The following NR1H3 variants were observed in gnomAD, a reference collection of about 807,000 sequenced individuals.
NR1H3 encodes oxysterols receptor LXR-alpha.
NR1H3 carries 19 observed loss-of-function variants against 48.1 expected under a neutral mutation model. The ratio of observed to expected loss-of-function variants is 0.40; its 90% confidence interval spans 0.28 to 0.58. The LOEUF (loss-of-function observed/expected upper bound fraction) is 0.58. NR1H3 is among the 20% of genes least tolerant of loss of function. The pLI is 0.50. For synonymous variants in NR1H3, 232 were observed against 227.3 expected, an observed-to-expected ratio of 1.02 and a Z score of -0.19; for missense variants, 486 against 595.9, an observed-to-expected ratio of 0.82 and a Z score of 1.92.
At chr11:47,257,982 C>T (rs1955365617), upstream of NR1H3, 1 of 985,950 alleles carries the variant, frequency 1.0e-6, no homozygotes, top group Non-Finnish European at 1.2e-6. Flanking sequence ...ATTGCTACTT[C>T]TCTGGGGCTC....
chr11:47,251,518 AG>A (rs1954650897), intron 1 of NR1H3, among the ~76,000 whole-genome samples: 1 of 152,214 alleles, frequency 6.6e-6, no homozygotes, highest in African/African-American at 2.4e-5. Flanking sequence ...AGGCTGAGAC[AG>A]GAGAATCACT....
chr11:47,268,124 G>C, intron 8 of NR1H3, 98 bp downstream of exon 8: 1 of 1,139,050 alleles, frequency 8.8e-7, no homozygotes, highest in Non-Finnish European at 1.3e-6. Context: ...GGTGGCTTGG[G>C]AGGGTGGAGG....
chr11:47,261,319 C>A lies in NR1H3; in HGVS notation c.578C>A (p.Pro193His). Residue 193 changes from proline (P) to histidine (H), a missense_variant, in exon 5 of 10, where the codon CCC becomes CAC. Physicochemically the swap from Pro to His is moderately conservative, Grantham distance 77. Coordinates refer to ENST00000441012, the MANE Select transcript of NR1H3 (RefSeq NM_005693.4). ...EEEQAHATSL[P>H]PRASSPPQIL... is the part of the protein sequence containing the mutation. ...GAACAGGCTCATGCCACATCCTTGCCCCCCAGGGCTTCCTCACCCCCCCAA... is the reference window on the plus strand; with the variant it reads ...GAACAGGCTCATGCCACATCCTTGCACCCCAGGGCTTCCTCACCCCCCCAA... The A allele has an allele frequency of 3.1e-6, 5 of 1,614,002 alleles. No individual in the cohort carries two copies. The highest frequency in any genetic ancestry group is 4.2e-6 in the Non-Finnish European group (5 of 1,180,002).
At chr11:47,268,475 C>T in intron 9 of NR1H3, 75 bp from the exon 10 acceptor site, 1 of 1,600,666 alleles carries the variant, frequency 6.2e-7, no homozygotes, top group Non-Finnish European at 8.6e-7. Context: ...ATTCACCTCT[C>T]CCACAACTCC....
upstream of NR1H3, chr11:47,257,612 G>A (rs530830293): frequency 1.3e-4 from 127 of 980,834 alleles, no homozygotes; most frequent in Non-Finnish European, 1.4e-4. Context: ...ATTCCGGGCC[G>A]TGCTGGGACC....
Position 47,268,660 on chromosome 11 carries a change from A to G in NR1H3, c.1308A>G (p.Pro436=). The G allele has an allele frequency of 6.2e-7, 1 of 1,614,142 alleles. No individual in the cohort carries two copies. Among genetic ancestry groups the G allele is most frequent in the Non-Finnish European group, 8.5e-7 (1 of 1,180,046 alleles). The stretch of plus-strand genomic sequence containing the variant: ...TGCGTCTGCAGGACAAAAAGCTCCC[A>G]CCGCTGCTCTCTGAGATCTGGGATG... ...FALRLQDKKL[P]PLLSEIWDVH... The change falls in exon 10 of 10, where the codon CCA becomes CCG. Residue 436 remains proline, a synonymous_variant. Transcript: ENST00000441012.
At chr11:47,258,826 C>CAA in intron 1 of NR1H3, 2 of 192,562 alleles carry the variant, frequency 1.0e-5, no homozygotes, top group Non-Finnish European at 2.1e-5. Context: ...GACCCCATCT[C>CAA]AAAAAAAAAA....
upstream of NR1H3, chr11:47,248,554 A>G (rs1214570661): frequency 3.2e-6 from 5 of 1,551,570 alleles, no homozygotes; most frequent in Admixed American, 7.8e-5. Context: ...CAGCCTCCCA[A>G]CTACCCAGGC....
At chr11:47,255,587 T>TCTC (rs1955048032), upstream of NR1H3, among the ~76,000 whole-genome samples, 2 of 71,822 alleles carry the variant, frequency 2.8e-5, no homozygotes, top group South Asian at 5.7e-4. Context: ...CTTTCTTTCT[T>TCTC]TCTTTCTTTC....
At position 47,261,300 on chromosome 11, in the gene NR1H3, G is replaced by T. The variant is rs1449979224; in HGVS notation, c.559G>T (p.Ala187Ser). The T allele has an allele frequency of 3.1e-6, 5 of 1,613,926 alleles. No individual in the cohort carries two copies. Among genetic ancestry groups the T allele is most frequent in the Non-Finnish European group, 4.2e-6 (5 of 1,180,016 alleles). Residue 187 changes from alanine (A) to serine (S), a missense_variant, in exon 5 of 10, where the codon GCT (alanine) becomes TCT (serine). Physicochemically the swap from Ala to Ser is moderately conservative, Grantham distance 99. Transcript: ENST00000441012. ...ACTGAAGCGGCAAGAGGAGGAACAGGCTCATGCCACATCCTTGCCCCCCAG... is the reference window on the plus strand; with the variant it reads ...ACTGAAGCGGCAAGAGGAGGAACAGTCTCATGCCACATCCTTGCCCCCCAG... ...KKLKRQEEEQ[A>S]HATSLPPRAS...
intron 7 of NR1H3, among the ~76,000 whole-genome samples, chr11:47,262,274 G>T (rs1591133344): frequency 6.6e-6 from 1 of 151,948 alleles, no homozygotes; most frequent in Non-Finnish European, 1.5e-5. Context: ...AGCTACTTGG[G>T]AGATCGAGGC....
At chr11:47,266,178 C>CT (rs935557434) in intron 7 of NR1H3, among the ~76,000 whole-genome samples, 97 of 149,520 alleles carry the variant, frequency 6.5e-4, no homozygotes, top group African/African-American at 1.6e-3. Flanking sequence ...AAAAACAAGT[C>CT]TTTTTTTTTT....
chr11:47,259,003 C>T (rs1207660957), intron 1 of NR1H3, 177 bp from the exon 2 acceptor site: 7 of 1,186,966 alleles, frequency 5.9e-6, no homozygotes, highest in Admixed American at 3.0e-5. Flanking sequence ...ATAGGGAGAA[C>T]CTGTCTCTAA....
chr11:47,257,971 A>T, upstream of NR1H3: 1 of 985,594 alleles, frequency 1.0e-6, no homozygotes, highest in Non-Finnish European at 1.2e-6. Flanking sequence ...CCTTTCCCCA[A>T]ATTGCTACTT....
rs1955541137 is a variant in NR1H3 at position 47,259,163 on chromosome 11, C to T, written c.-37-17C>T. The T allele has an allele frequency of 2.5e-6, 4 of 1,613,916 alleles. No individual in the cohort carries two copies. Among genetic ancestry groups the T allele is most frequent in the Non-Finnish European group, 3.4e-6 (4 of 1,179,944 alleles). ...GAGCCCAGTTCTAGAAGAGTATAAT[C>T]TGGGTCCTTCCTGCAGGACAGTGCC... is the stretch of plus-strand genomic sequence containing the variant. On this transcript the variant is annotated splice_polypyrimidine_tract_variant and intron_variant, in intron 1 of 9. Coordinates refer to ENST00000441012, the MANE Select transcript of NR1H3 (RefSeq NM_005693.4).
intron 7 of NR1H3, 33 bp downstream of exon 7, chr11:47,262,051 G>GGGT (rs1565194816): frequency 6.8e-7 from 1 of 1,471,746 alleles, no homozygotes; most frequent in South Asian, 1.2e-5. Flanking sequence ...GATTGGGGTT[G>GGGT]GGTGGACAGA....
intron 3 of NR1H3, 99 bp from the exon 4 acceptor site, chr11:47,260,310 G>A (rs1955696853): frequency 6.9e-7 from 1 of 1,445,772 alleles, no homozygotes; most frequent in Non-Finnish European, 9.3e-7. Flanking sequence ...GTATAATGAA[G>A]GGAATGAAGG....
In NR1H3 at chr11:47,268,730, C is replaced by T. The variant is rs759458769; in HGVS notation, c.*34C>T. ...TCCCCATATTTTCTGTTTTCTTGGCCGGATGGCTGAGGCCTGGTGGCTGCC... is the reference window on the plus strand; with the variant it reads ...TCCCCATATTTTCTGTTTTCTTGGCTGGATGGCTGAGGCCTGGTGGCTGCC... On this transcript the variant is annotated 3_prime_UTR_variant, in exon 10 of 10. Coordinates refer to ENST00000441012, the MANE Select transcript of NR1H3 (RefSeq NM_005693.4). 5.0e-6 allele frequency: 8 copies of T among 1,605,268 alleles called. No individual in the cohort carries two copies. Among genetic ancestry groups the T allele is most frequent in the African/African-American group, 1.3e-5 (1 of 74,788 alleles).
intron 1 of NR1H3, among the ~76,000 whole-genome samples, chr11:47,249,441 GTT>G (rs1954424684): frequency 6.6e-6 from 1 of 152,048 alleles, no homozygotes; most frequent in Non-Finnish European, 1.5e-5. Context: ...CCACTTCCAA[GTT>G]TTAGTTAATT....
Sources: gnomAD v4.1 joint callset for allele counts (sites outside exome capture counted in the v4.1 genomes callset) on GRCh38, gnomAD v4.1.1 for gene constraint, MANE v1.5 for transcripts, NCBI Gene and HGNC (gene_info 2026-07-23, HGNC 2026-07-21) for gene names.